Variants in MID1 observed in about 807,000 individuals in gnomAD.
MID1 encodes the protein E3 ubiquitin-protein ligase Midline-1.
MID1 carries 7 observed loss-of-function variants against 40.4 expected under a neutral mutation model. The observed-to-expected ratio is 0.17, with a 90% confidence interval of 0.10 to 0.33. MID1 has a LOEUF of 0.33. Among genes scored for constraint, MID1 ranks in the 10% least tolerant of loss-of-function variants. The pLI, the probability that MID1 is intolerant of heterozygous loss-of-function variation, is 1.00. For synonymous variants in MID1, 229 were observed against 221.2 expected, an observed-to-expected ratio of 1.04 and a Z score of -0.31; for missense variants, 367 against 558.5, an observed-to-expected ratio of 0.66 and a Z score of 3.46.
intron 1 of MID1, among the ~76,000 whole-genome samples, chrX:10,617,147 G>C (rs1461107201): frequency 8.9e-6 from 1 of 112,174 alleles, no homozygotes; most frequent in Non-Finnish European, 1.9e-5. Context: ...TGCACAGGTA[G>C]TCTTTCTGGG....
chrX:10,830,970 G>T (rs1705282654), intron 1 of MID1, among the ~76,000 whole-genome samples: 1 of 111,545 alleles, frequency 9.0e-6, no homozygotes, highest in African/African-American at 3.3e-5. Flanking sequence ...CAATATTCTG[G>T]GCCTAGATTG....
chrX:10,500,082 T>C (rs1931465170), intron 3 of MID1, among the ~76,000 whole-genome samples: 1 of 112,389 alleles, frequency 8.9e-6, no homozygotes, highest in South Asian at 3.7e-4. Flanking sequence ...AGGGATTTTG[T>C]AAACAGATTA....
intron 7 of MID1, among the ~76,000 whole-genome samples, chrX:10,465,214 T>TATATATATATAC (rs1477864693): frequency 1.6e-3 from 65 of 39,894 alleles, no homozygotes; most frequent in Non-Finnish European, 2.4e-3. Context: ...TATATATATA[T>TATATATATATAC]ACACACACAC....
At chrX:10,718,170 A>G (rs1231499951) in intron 1 of MID1, among the ~76,000 whole-genome samples, 1 of 111,897 alleles carries the variant, frequency 8.9e-6, no homozygotes, top group Non-Finnish European at 1.9e-5. Flanking sequence ...TTCAAAAGCT[A>G]GCAGAAGGCA....
intron 1 of MID1, among the ~76,000 whole-genome samples, chrX:10,601,517 A>G (rs1404474621): frequency 8.9e-6 from 1 of 112,366 alleles, no homozygotes; most frequent in African/African-American, 3.2e-5. Context: ...GGGTTTGGAC[A>G]GAGACTGCAT....
At chrX:10,612,951 T>G (rs1182760912) in intron 1 of MID1, among the ~76,000 whole-genome samples, 1 of 112,146 alleles carries the variant, frequency 8.9e-6, no homozygotes, top group African/African-American at 3.2e-5. Context: ...CTTTAACCAG[T>G]ATTCTTAGTC....
intron 1 of MID1, among the ~76,000 whole-genome samples, chrX:10,679,075 A>C (rs1224442137): frequency 8.9e-6 from 1 of 112,232 alleles, no homozygotes; most frequent in East Asian, 2.8e-4. Flanking sequence ...AAGAAATGTC[A>C]TATTTTCAAG....
chrX:10,655,418 G>A (rs780069730), intron 1 of MID1, among the ~76,000 whole-genome samples: 7 of 110,991 alleles, frequency 6.3e-5, no homozygotes, highest in Non-Finnish European at 1.1e-4. Flanking sequence ...GTGAGGATGT[G>A]ATCCCAAGAG....
chrX:10,659,629 AC>A (rs2042898091), intron 1 of MID1, among the ~76,000 whole-genome samples: 1 of 111,173 alleles, frequency 9.0e-6, no homozygotes, highest in Non-Finnish European at 1.9e-5. Context: ...TGAAAGTTTC[AC>A]TAGAACAACT....
chrX:10,798,337 T>C (rs2043981311), intron 1 of MID1, among the ~76,000 whole-genome samples: 1 of 112,063 alleles, frequency 8.9e-6, no homozygotes, highest in South Asian at 3.7e-4. Flanking sequence ...AAAGCAGATA[T>C]GTTGCTCATT....
intron 1 of MID1, among the ~76,000 whole-genome samples, chrX:10,805,221 T>G: frequency 3.7e-5 from 2 of 54,013 alleles, no homozygotes; most frequent in East Asian, 7.0e-4. Flanking sequence ...CGCTCCCCCC[T>G]CCCCCCACCC....
intron 1 of MID1, among the ~76,000 whole-genome samples, chrX:10,707,428 G>T (rs1311245348): frequency 1.8e-5 from 2 of 112,082 alleles, no homozygotes; most frequent in African/African-American, 6.5e-5. Flanking sequence ...TAGAATCCAG[G>T]TGTGTGTCTA....
At chrX:10,509,394 ACTAT>A (rs745331690) in intron 3 of MID1, among the ~76,000 whole-genome samples, 25 of 111,910 alleles carry the variant, frequency 2.2e-4, no homozygotes, top group African/African-American at 6.2e-4. Flanking sequence ...ATTCAAAGTG[ACTAT>A]CTAACTATTT....
chrX:10,488,599 G>A (rs745651720), intron 4 of MID1, among the ~76,000 whole-genome samples: 16 of 111,673 alleles, frequency 1.4e-4, no homozygotes, highest in Non-Finnish European at 2.8e-4. Flanking sequence ...CATCTGTGAT[G>A]GTTAATACTG....
Position 10,710,103 on chromosome X carries a change from G to A in MID1, c.-186-89684C>T, listed in dbSNP as rs560631598. ...AGCTACCTGGCGGTCCAACATTCACGGTCAATTGTTATTACAGGTGTGGGA... is the reference window on the plus strand; with the variant it reads ...AGCTACCTGGCGGTCCAACATTCACAGTCAATTGTTATTACAGGTGTGGGA... On this transcript the variant is annotated intron_variant, in intron 1 of 10. Coordinates refer to the MID1 transcript ENST00000380785. 8.9e-5 allele frequency among the ~76,000 whole-genome samples: 10 copies of A among 111,739 alleles called. No homozygotes were observed. In the South Asian group the frequency reaches 1.5e-3, roughly 17 times the overall value.
intron 1 of MID1, among the ~76,000 whole-genome samples, chrX:10,661,776 T>C (rs978019408): frequency 3.6e-5 from 4 of 112,223 alleles, no homozygotes; most frequent in African/African-American, 1.3e-4. Flanking sequence ...ATATTTGTCT[T>C]GGCATCTGGA....
intron 1 of MID1, among the ~76,000 whole-genome samples, chrX:10,813,014 TGCA>T (rs2044112526): frequency 9.0e-6 from 1 of 111,508 alleles, no homozygotes; most frequent in Non-Finnish European, 1.9e-5. Context: ...AACATCAATC[TGCA>T]GGTTTTTCCC....
chrX:10,592,531 T>TA (rs902391417), intron 1 of MID1, among the ~76,000 whole-genome samples: 4 of 110,249 alleles, frequency 3.6e-5, no homozygotes, highest in Non-Finnish European at 7.6e-5. Flanking sequence ...AAAATGTGCT[T>TA]AAAAAAAGGA....
chrX:10,714,906 C>T (rs936608368), intron 1 of MID1, among the ~76,000 whole-genome samples: 1 of 112,561 alleles, frequency 8.9e-6, no homozygotes, highest in Admixed American at 9.4e-5. Flanking sequence ...CTACCACTAA[C>T]ATACAACAAT....
Sources: gnomAD v4.1 joint callset for allele counts (sites outside exome capture counted in the v4.1 genomes callset) on GRCh38, gnomAD v4.1.1 for gene constraint, MANE v1.5 for transcripts, NCBI Gene and HGNC (gene_info 2026-07-23, HGNC 2026-07-21) for gene names.